Variants in BAZ2B observed in about 807,000 individuals in gnomAD.
BAZ2B encodes the protein bromodomain adjacent to zinc finger domain 2B.
A neutral mutation model predicts 246.0 loss-of-function variants in BAZ2B; 91 were observed. The observed-to-expected ratio is 0.37, with a 90% confidence interval of 0.31 to 0.44. BAZ2B has a LOEUF of 0.44. BAZ2B is among the 20% of genes least tolerant of loss of function. BAZ2B has a pLI of 1.00. For missense variants in BAZ2B, 2,332 were observed against 2,533.7 expected (o/e 0.92, Z 1.71); for synonymous variants, 855 against 860.0 (o/e 0.99, Z 0.10).
chr2:159,320,939 C>T (rs1348209098), intron 36 of BAZ2B, among the ~76,000 whole-genome samples: 1 of 152,210 alleles, frequency 6.6e-6, no homozygotes, highest in African/African-American at 2.4e-5. Flanking sequence ...TTTCTCTTCT[C>T]TTCATATGTG....
the BAZ2B span, among the ~76,000 whole-genome samples, chr2:159,654,783 G>C: frequency 6.6e-6 from 1 of 152,106 alleles, no homozygotes; most frequent in Admixed American, 6.6e-5. Flanking sequence ...TGGGCAACAT[G>C]GTGAAACCCC....
chr2:159,595,222 C>T (rs1690405815), intron 1 of BAZ2B, among the ~76,000 whole-genome samples: 1 of 152,184 alleles, frequency 6.6e-6, no homozygotes, highest in East Asian at 1.9e-4. Context: ...CCTGCCTCAT[C>T]CTCCTGAGTA....
chr2:159,374,597 A>G (rs6742788), intron 26 of BAZ2B, 94 bp downstream of exon 26: 820,760 of 1,089,542 alleles, frequency 0.75, 316,672 homozygotes, highest in Non-Finnish European at 0.81. Flanking sequence ...CCAAAAGCCT[A>G]TTTTTGCTTA....
chr2:159,471,934 G>C (rs922923843), intron 3 of BAZ2B, among the ~76,000 whole-genome samples: 2 of 151,934 alleles, frequency 1.3e-5, no homozygotes, highest in African/African-American at 2.4e-5. Context: ...TTAAAGAAAT[G>C]GGCTGTTGAA....
At chr2:159,420,942 C>A (rs1185849201) in intron 13 of BAZ2B, among the ~76,000 whole-genome samples, 1 of 152,130 alleles carries the variant, frequency 6.6e-6, no homozygotes, top group African/African-American at 2.4e-5. Context: ...TAAAAGGTAG[C>A]CAGCCAGTAC....
chr2:159,367,487 A>G (rs1576174158), intron 27 of BAZ2B, among the ~76,000 whole-genome samples: 1 of 152,230 alleles, frequency 6.6e-6, no homozygotes, highest in South Asian at 2.1e-4. Context: ...ATATTAATTG[A>G]TGTTAATGTT....
intron 27 of BAZ2B, among the ~76,000 whole-genome samples, chr2:159,351,463 C>T (rs951642792): frequency 6.6e-6 from 1 of 151,938 alleles, no homozygotes; most frequent in East Asian, 1.9e-4. Flanking sequence ...TCCCAATTTA[C>T]TTCCTTAAAA....
chr2:159,503,818 TAATCC>T (rs1184323943), intron 2 of BAZ2B, among the ~76,000 whole-genome samples: 1 of 152,116 alleles, frequency 6.6e-6, no homozygotes, highest in Non-Finnish European at 1.5e-5. Flanking sequence ...TGACCTCAGG[TAATCC>T]ACCTGCCTCG....
chr2:159,401,668 A>C (rs1001935735), intron 16 of BAZ2B, among the ~76,000 whole-genome samples: 3 of 152,168 alleles, frequency 2.0e-5, no homozygotes, highest in Non-Finnish European at 4.4e-5. Context: ...ACGTTGTCTA[A>C]ATTTAATGAA....
rs368939474 is a variant in BAZ2B, at chr2:159,497,580, A to AT, written c.-2-18860_-2-18859insA. ...TGGTCTCTAAAAGATTCTATACTCT[A>AT]ATCAGATTCTTTCTGATATAAACAT... On this transcript the variant is annotated intron_variant, in intron 2 of 36. Coordinates refer to ENST00000392783, the MANE Select transcript of BAZ2B (RefSeq NM_013450.4). Among the ~76,000 whole-genome samples the AT allele has an allele frequency of 4.8e-3, 725 of 152,330 alleles. 4 individuals carry two copies. The highest frequency in any genetic ancestry group is 0.017 in the African/African-American group (690 of 41,566).
the BAZ2B span, chr2:159,694,939 A>C: frequency 6.6e-6 from 1 of 152,204 alleles, no homozygotes; most frequent in Non-Finnish European, 1.5e-5. Context: ...TCCTAACAGC[A>C]ATATATGCAG....
chr2:159,663,679 C>T, the BAZ2B span, among the ~76,000 whole-genome samples: 13 of 151,224 alleles, frequency 8.6e-5, no homozygotes, highest in Admixed American at 7.3e-4. Flanking sequence ...GCCACCACGT[C>T]GGCTAATTTT....
At chr2:159,316,283 T>G (rs545267783), downstream of BAZ2B, among the ~76,000 whole-genome samples, 3 of 152,276 alleles carry the variant, frequency 2.0e-5, no homozygotes, top group East Asian at 5.8e-4. Context: ...CCTTTTTTTG[T>G]AGAGTTGTAA....
At chr2:159,529,229 C>T (rs971392536) in intron 2 of BAZ2B, among the ~76,000 whole-genome samples, 3 of 151,976 alleles carry the variant, frequency 2.0e-5, no homozygotes, top group African/African-American at 2.4e-5. Context: ...ATACTCCATA[C>T]AACCAATGCT....
intron 2 of BAZ2B, among the ~76,000 whole-genome samples, chr2:159,519,236 T>TTTA (rs1553692832): frequency 0.013 from 935 of 70,562 alleles, 38 homozygotes; most frequent in East Asian, 0.023. Flanking sequence ...TTTTTTTTTT[T>TTTA]TTTTGAGACG....
At position 159,386,348 on chromosome 2, in the gene BAZ2B, T is replaced by G; in HGVS notation, c.3471+5A>C. On this transcript the variant is annotated splice_donor_5th_base_variant and intron_variant, in intron 22 of 36. Coordinates refer to ENST00000392783, the MANE Select transcript of BAZ2B (RefSeq NM_013450.4). ...TAAAACATTTTATATTTTGTTTTTT[T>G]TTACCTTGTATCCTGTTATTAGACC... is the stretch of plus-strand genomic sequence containing the variant. 1 of 1,600,302 alleles carries G rather than the reference T, an allele frequency of 6.2e-7. No homozygotes were observed. Among genetic ancestry groups the G allele is most frequent in the Non-Finnish European group, 8.5e-7 (1 of 1,175,370 alleles).
At chr2:159,668,966 G>T in the BAZ2B span, among the ~76,000 whole-genome samples, 1 of 152,042 alleles carries the variant, frequency 6.6e-6, no homozygotes, top group Non-Finnish European at 1.5e-5. Context: ...TGAGGCAGGA[G>T]AATTGCTTGA....
intron 13 of BAZ2B, among the ~76,000 whole-genome samples, chr2:159,414,604 G>A (rs2067349283): frequency 6.6e-6 from 1 of 151,776 alleles, no homozygotes; most frequent in African/African-American, 2.4e-5. Flanking sequence ...ATCTCCTGAG[G>A]TCAGGAGTTT....
At chr2:159,325,046 T>TAC in intron 35 of BAZ2B, 92 bp from the exon 36 acceptor site, 1 of 6,354 alleles carries the variant, frequency 1.6e-4, no homozygotes, top group South Asian at 5.6e-3. Flanking sequence ...ATATATATTA[T>TAC]ATATATATAT....
Sources: gnomAD v4.1 joint callset for allele counts (sites outside exome capture counted in the v4.1 genomes callset) on GRCh38, gnomAD v4.1.1 for gene constraint, MANE v1.5 for transcripts, NCBI Gene and HGNC (gene_info 2026-07-23, HGNC 2026-07-21) for gene names.